Variants in FAM107B observed in about 807,000 individuals in gnomAD.
FAM107B encodes the protein family with sequence similarity 107 member B.
Under a neutral mutation model 31.5 loss-of-function variants are expected in FAM107B, and 21 were observed. The observed-to-expected ratio is 0.67, with a 90% CI of 0.47 to 0.96. The LOEUF (loss-of-function observed/expected upper bound fraction) is 0.96, where lower values mean the gene tolerates loss of function less well. Ranked by LOEUF, FAM107B falls within the 40% of genes least tolerant of loss-of-function variation. The pLI is 0.00. For missense variants in FAM107B, 452 were observed against 377.1 expected (o/e 1.20, Z -1.64); for synonymous variants, 157 against 141.5 (o/e 1.11, Z -0.78).
At chr10:14,592,182 T>C (rs574703987) in intron 2 of FAM107B, among the ~76,000 whole-genome samples, 37 of 152,236 alleles carry the variant, frequency 2.4e-4, no homozygotes, top group South Asian at 1.2e-3. Flanking sequence ...AGTTGAAAGG[T>C]CAGGGCCCAG....
At chr10:14,647,506 C>T (rs1185057838) in intron 2 of FAM107B, among the ~76,000 whole-genome samples, 1 of 151,874 alleles carries the variant, frequency 6.6e-6, no homozygotes, top group African/African-American at 2.4e-5. Flanking sequence ...TGGTGAAACC[C>T]CGTCTCTACT....
chr10:14,703,764 G>T (rs1855458147), intron 1 of FAM107B, among the ~76,000 whole-genome samples: 1 of 152,120 alleles, frequency 6.6e-6, no homozygotes, highest in South Asian at 2.1e-4. Flanking sequence ...AATCAGTCAG[G>T]AAAAGCTTCC....
intron 2 of FAM107B, among the ~76,000 whole-genome samples, chr10:14,549,050 TC>T (rs764516640): frequency 5.9e-4 from 90 of 152,110 alleles, no homozygotes; most frequent in Non-Finnish European, 8.8e-4. Flanking sequence ...CCCTGTACTC[TC>T]CAGCCTCAAT....
intron 2 of FAM107B, among the ~76,000 whole-genome samples, chr10:14,627,682 T>C (rs1202921273): frequency 2.6e-5 from 4 of 151,926 alleles, no homozygotes; most frequent in African/African-American, 4.8e-5. Flanking sequence ...CTGAGGCAGG[T>C]AGATCGCTTG....
intron 2 of FAM107B, among the ~76,000 whole-genome samples, chr10:14,577,483 T>C (rs1210861110): frequency 1.3e-5 from 2 of 152,232 alleles, no homozygotes; most frequent in Non-Finnish European, 2.9e-5. Context: ...TATATAAACT[T>C]GCATAGTACG....
At chr10:14,595,421 C>CTT (rs1852154942) in intron 2 of FAM107B, among the ~76,000 whole-genome samples, 2 of 44,288 alleles carry the variant, frequency 4.5e-5, no homozygotes, top group Admixed American at 7.8e-4. Flanking sequence ...CCTAGGGCAA[C>CTT]CTTTTTTTTT....
chr10:14,621,688 C>T (rs1853013744), intron 2 of FAM107B, among the ~76,000 whole-genome samples: 3 of 152,194 alleles, frequency 2.0e-5, no homozygotes, highest in Admixed American at 6.5e-5. Flanking sequence ...TGATTTGAAG[C>T]TGGGGAAGAG....
chr10:14,650,506 G>A (rs984130281), intron 2 of FAM107B, among the ~76,000 whole-genome samples: 1 of 152,090 alleles, frequency 6.6e-6, no homozygotes, highest in Non-Finnish European at 1.5e-5. Flanking sequence ...GGCTGGTCTC[G>A]AACTCCCGAC....
At chr10:14,755,446 T>C (rs1832908891) in intron 1 of FAM107B, among the ~76,000 whole-genome samples, 1 of 150,528 alleles carries the variant, frequency 6.6e-6, no homozygotes, top group Non-Finnish European at 1.5e-5. Flanking sequence ...GAGGCTGAGA[T>C]GGGAGAATTG....
intron 2 of FAM107B, among the ~76,000 whole-genome samples, chr10:14,639,635 G>A (rs909932195): frequency 6.6e-6 from 1 of 152,020 alleles, no homozygotes. Context: ...TCCAATTCCA[G>A]CCTTGCTCCA....
At chr10:14,604,361 G>A (rs1852519620) in intron 2 of FAM107B, 5 of 575,052 alleles carry the variant, frequency 8.7e-6, no homozygotes, top group Non-Finnish European at 1.1e-5. Flanking sequence ...TCCGGGGGCG[G>A]CGGCCCGGCC....
intron 2 of FAM107B, among the ~76,000 whole-genome samples, chr10:14,627,478 G>A (rs1239859604): frequency 6.6e-6 from 1 of 152,184 alleles, no homozygotes; most frequent in East Asian, 1.9e-4. Flanking sequence ...AATGTAAAAA[G>A]AATACAGAGG....
chr10:14,682,553 A>G (rs1040190647), intron 1 of FAM107B, among the ~76,000 whole-genome samples: 1 of 152,132 alleles, frequency 6.6e-6, no homozygotes, highest in Non-Finnish European at 1.5e-5. Flanking sequence ...AAATAAAACT[A>G]TGCAGCCATA....
chr10:14,636,635 T>C (rs1853506832), intron 2 of FAM107B, among the ~76,000 whole-genome samples: 1 of 151,308 alleles, frequency 6.6e-6, no homozygotes, highest in African/African-American at 2.4e-5. Flanking sequence ...TAAAGGTCCA[T>C]CTCCAAACAC....
chr10:14,602,434 C>T (rs1214854842), intron 2 of FAM107B: 1 of 152,206 alleles, frequency 6.6e-6, no homozygotes, highest in African/African-American at 2.4e-5. Flanking sequence ...TATGTAATGA[C>T]AAAAGCGTCC....
At chr10:14,534,009 AGGATGTTTTTCCGTG>A (rs1847333280) in intron 2 of FAM107B, among the ~76,000 whole-genome samples, 1 of 152,144 alleles carries the variant, frequency 6.6e-6, no homozygotes, top group Non-Finnish European at 1.5e-5. Context: ...TCAGCCCAGG[AGGATGTTTTTCCGTG>A]GGACAGTGTG....
chr10:14,590,773 G>A (rs1255344383), intron 2 of FAM107B, among the ~76,000 whole-genome samples: 1 of 150,868 alleles, frequency 6.6e-6, no homozygotes, highest in Non-Finnish European at 1.5e-5. Flanking sequence ...CCCAAGGTCA[G>A]AAATTCGAGA....
intron 2 of FAM107B, among the ~76,000 whole-genome samples, chr10:14,542,273 A>AG (rs1453443660): frequency 6.7e-6 from 1 of 149,636 alleles, no homozygotes; most frequent in East Asian, 2.0e-4. Flanking sequence ...CCATCTCAAA[A>AG]AAAAAAAAAA....
intron 2 of FAM107B, among the ~76,000 whole-genome samples, chr10:14,557,765 C>T (rs772057987): frequency 3.3e-5 from 5 of 152,200 alleles, no homozygotes; most frequent in South Asian, 4.1e-4. Context: ...GGAGGAGTAG[C>T]TGAGGCCCAG....
Sources: allele counts gnomAD v4.1 joint callset (sites outside exome capture counted in the v4.1 genomes callset), GRCh38; gene constraint gnomAD v4.1.1; transcripts MANE v1.5; gene names NCBI Gene and HGNC (gene_info 2026-07-23, HGNC 2026-07-21).